CNTN5: variants seen among roughly 807,000 people sequenced by gnomAD.
The protein encoded by CNTN5 is contactin-5.
Under a neutral mutation model 129.1 loss-of-function variants are expected in CNTN5, and 77 were observed. The observed-to-expected ratio is 0.60, with a 90% CI of 0.50 to 0.72. The LOEUF (loss-of-function observed/expected upper bound fraction) is 0.72, where lower values mean the gene tolerates loss of function less well. CNTN5 is among the 30% of genes least tolerant of loss of function. The probability of loss-of-function intolerance (pLI) is 0.00; values close to 1 mark genes in which losing one functional copy is unlikely to be tolerated. For missense variants in CNTN5, 1,478 were observed against 1,328.8 expected, an observed-to-expected ratio of 1.11 and a Z score of -1.75; for synonymous variants, 509 against 465.6, an observed-to-expected ratio of 1.09 and a Z score of -1.20.
chr11:99,687,106 A>G (rs1953826991), intron 3 of CNTN5, among the ~76,000 whole-genome samples: 1 of 152,192 alleles, frequency 6.6e-6, no homozygotes, highest in South Asian at 2.1e-4. Flanking sequence ...TTTATACAAG[A>G]AGAACTTGAA....
At chr11:99,869,918 C>T (rs1253545480) in intron 6 of CNTN5, among the ~76,000 whole-genome samples, 9 of 152,084 alleles carry the variant, frequency 5.9e-5, no homozygotes, top group Admixed American at 5.9e-4. Context: ...TTTTAGCCTC[C>T]TGGCTGATGC....
chr11:99,304,191 C>T (rs1026904213), intron 1 of CNTN5, among the ~76,000 whole-genome samples: 17 of 152,102 alleles, frequency 1.1e-4, no homozygotes, highest in Non-Finnish European at 1.9e-4. Context: ...ACGTTCTTCA[C>T]ACAGGACCTC....
rs148312297 is a variant in CNTN5 at position 99,928,892 on chromosome 11, T to C, written c.673+12743T>C. 7.2e-4 allele frequency among the ~76,000 whole-genome samples: 109 copies of C among 152,368 alleles called. 1 individual carries two copies. The Middle Eastern group carries it at 0.01, about 14-fold the overall frequency. On this transcript the variant is annotated intron_variant, in intron 7 of 24. Coordinates refer to ENST00000524871, the MANE Select transcript of CNTN5 (RefSeq NM_014361.4). ...GCAAATTTTCTGAACTTCTATGCTC[T>C]GTTTCCCTTTTAAATGTAAGTTCCA...
chr11:99,700,194 T>G (rs377067139), intron 3 of CNTN5, among the ~76,000 whole-genome samples: 82 of 151,560 alleles, frequency 5.4e-4, no homozygotes, highest in African/African-American at 1.9e-3. Flanking sequence ...AATGTTCTAA[T>G]GGAGCAAGTT....
intron 3 of CNTN5, among the ~76,000 whole-genome samples, chr11:99,616,811 TA>T (rs550561945): frequency 1.3e-4 from 20 of 152,298 alleles, no homozygotes; most frequent in Middle Eastern, 3.4e-3. Context: ...ATAGGTCCTT[TA>T]AAAAACTGTC....
intron 3 of CNTN5, among the ~76,000 whole-genome samples, chr11:99,632,840 G>A (rs1191067142): frequency 6.6e-6 from 1 of 152,078 alleles, no homozygotes; most frequent in African/African-American, 2.4e-5. Flanking sequence ...CATATATTCA[G>A]AAGAGTTTTG....
intron 2 of CNTN5, among the ~76,000 whole-genome samples, chr11:99,514,406 C>T (rs992485172): frequency 3.3e-5 from 5 of 152,064 alleles, no homozygotes; most frequent in Admixed American, 1.3e-4. Context: ...TTCTGAAAGA[C>T]ATTCTACCAT....
intron 3 of CNTN5, among the ~76,000 whole-genome samples, chr11:99,714,433 T>G (rs1035977273): frequency 3.3e-5 from 5 of 151,910 alleles, no homozygotes; most frequent in African/African-American, 1.2e-4. Context: ...CATCATCTCA[T>G]GCTGTGTATT....
intron 1 of CNTN5, among the ~76,000 whole-genome samples, chr11:99,235,016 T>C (rs982382621): frequency 1.3e-5 from 2 of 150,114 alleles, no homozygotes; most frequent in Admixed American, 6.7e-5. Context: ...CAGGCCTTTT[T>C]ATAACACAAA....
chr11:100,346,976 C>T (rs1279448724), intron 23 of CNTN5, among the ~76,000 whole-genome samples: 1 of 152,094 alleles, frequency 6.6e-6, no homozygotes, highest in African/African-American at 2.4e-5. Context: ...ACCATCAGAT[C>T]TCATGAGACT....
rs551140225 is a variant in CNTN5, at chr11:99,645,113, A to T, written c.55+88844A>T. Among the ~76,000 whole-genome samples, 3 of 150,274 alleles carry T rather than the reference A, an allele frequency of 2.0e-5. No individual in the cohort carries two copies. In the East Asian group the frequency reaches 5.9e-4, roughly 30 times the overall value. ...ACTCCGTCTCTACTTTAAAAAAAAA[A>T]GCCAGGCGTGATGCTGGGTTCCTGT... On this transcript the variant is annotated intron_variant, in intron 3 of 24. Coordinates refer to ENST00000524871, the MANE Select transcript of CNTN5 (RefSeq NM_014361.4).
chr11:100,068,338 C>T (rs1012165940), intron 10 of CNTN5, among the ~76,000 whole-genome samples: 2 of 152,098 alleles, frequency 1.3e-5, no homozygotes, highest in African/African-American at 4.8e-5. Context: ...AGGAGGTGCA[C>T]ATGACTCTTC....
intron 2 of CNTN5, among the ~76,000 whole-genome samples, chr11:99,331,956 G>C (rs11219423): frequency 0.069 from 10,434 of 152,044 alleles, 990 homozygotes; most frequent in African/African-American, 0.21. Context: ...AAAGAGAGAC[G>C]TGGAATAGAG....
At chr11:99,477,413 T>C (rs565490369) in intron 2 of CNTN5, among the ~76,000 whole-genome samples, 1 of 152,172 alleles carries the variant, frequency 6.6e-6, no homozygotes, top group African/African-American at 2.4e-5. Flanking sequence ...TTTCCATTTA[T>C]TTCATTATTT....
At chr11:99,967,283 A>G (rs1056092704) in intron 8 of CNTN5, among the ~76,000 whole-genome samples, 1 of 152,188 alleles carries the variant, frequency 6.6e-6, no homozygotes, top group Non-Finnish European at 1.5e-5. Context: ...TGAAGTGCGT[A>G]GAAACACAAT....
chr11:99,929,450 C>T (rs531133821), intron 7 of CNTN5, among the ~76,000 whole-genome samples: 56 of 152,280 alleles, frequency 3.7e-4, no homozygotes, highest in African/African-American at 1.3e-3. Flanking sequence ...CATTCTCATG[C>T]TGCTGTGACA....
chr11:99,813,514 C>T (rs1343215658), intron 3 of CNTN5, among the ~76,000 whole-genome samples: 2 of 151,800 alleles, frequency 1.3e-5, no homozygotes, highest in Non-Finnish European at 2.9e-5. Context: ...TTTTGTTTTA[C>T]TAAAAGTAGG....
At chr11:99,668,968 G>T (rs1251335318) in intron 3 of CNTN5, among the ~76,000 whole-genome samples, 1 of 152,092 alleles carries the variant, frequency 6.6e-6, no homozygotes, top group Non-Finnish European at 1.5e-5. Flanking sequence ...GGGGGGAAAA[G>T]CTGATTTTCT....
At chr11:99,822,279 T>G (rs1437750296) in intron 4 of CNTN5, among the ~76,000 whole-genome samples, 1 of 152,170 alleles carries the variant, frequency 6.6e-6, no homozygotes, top group Non-Finnish European at 1.5e-5. Flanking sequence ...TGGAGAAACC[T>G]TCCCATACAA....
Sources: gnomAD v4.1 joint callset for allele counts (sites outside exome capture counted in the v4.1 genomes callset) on GRCh38, gnomAD v4.1.1 for gene constraint, MANE v1.5 for transcripts, NCBI Gene and HGNC (gene_info 2026-07-23, HGNC 2026-07-21) for gene names.